MNAT1: variants seen among roughly 807,000 people sequenced by gnomAD.
MNAT1 encodes MNAT1 component of CDK activating kinase, also known as CDK-activating kinase assembly factor MAT1.
MNAT1 carries 43 observed loss-of-function variants against 42.0 expected under a neutral mutation model. The observed-to-expected ratio is 1.02, with a 90% CI of 0.80 to 1.32. The LOEUF is 1.32. MNAT1 is among the 40% of genes most tolerant of loss of function. MNAT1 has a pLI of 0.00. For synonymous variants in MNAT1, 118 were observed against 120.0 expected (o/e 0.98, Z 0.11); for missense variants, 306 against 350.4 (o/e 0.87, Z 1.01).
intron 1 of MNAT1, among the ~76,000 whole-genome samples, chr14:60,736,056 C>T (rs1419669986): frequency 6.6e-6 from 1 of 152,202 alleles, no homozygotes; most frequent in Non-Finnish European, 1.5e-5. Context: ...TATTAGCTTA[C>T]TTAACTTTTC....
intron 7 of MNAT1, among the ~76,000 whole-genome samples, chr14:60,889,832 C>T (rs2034790628): frequency 6.6e-6 from 1 of 152,032 alleles, no homozygotes; most frequent in Non-Finnish European, 1.5e-5. Context: ...TTTATGCAGC[C>T]AAAAAACACA....
intron 7 of MNAT1, among the ~76,000 whole-genome samples, chr14:60,917,210 G>C (rs929264205): frequency 2.6e-5 from 4 of 152,160 alleles, no homozygotes; most frequent in Non-Finnish European, 5.9e-5. Context: ...CGTAGCCTCA[G>C]GCAAATGGAG....
rs763964637 is a variant in MNAT1, at chr14:60,818,775, T to C, written c.615T>C (p.Ser205=). Residue 205 remains serine (S), a synonymous_variant, in exon 6 of 8, where the codon TCT becomes TCC. Transcript: ENST00000261245. ...ALLLAQHKDR[S]TQLEMQLEKP... is the part of the protein sequence containing the mutation. ...TTTTGGCTCAGCATAAAGATAGATC[T>C]ACCCAATTAGAAATGCAACTTGAGA... is the stretch of plus-strand genomic sequence containing the variant. 6.2e-7 allele frequency: 1 copy of C among 1,612,868 alleles called. No individual in the cohort carries two copies. Among genetic ancestry groups the C allele is most frequent in the African/African-American group, 1.3e-5 (1 of 75,040 alleles).
intron 6 of MNAT1, among the ~76,000 whole-genome samples, chr14:60,858,579 G>A (rs1447350319): frequency 1.3e-5 from 2 of 152,116 alleles, no homozygotes; most frequent in African/African-American, 4.8e-5. Flanking sequence ...TTTGAAAGAA[G>A]TTCTGTGCGT....
chr14:60,898,591 C>G (rs576929012), intron 7 of MNAT1, among the ~76,000 whole-genome samples: 1 of 152,110 alleles, frequency 6.6e-6, no homozygotes, highest in African/African-American at 2.4e-5. Context: ...ATATTCTTTG[C>G]CTACTTTTTA....
intron 7 of MNAT1, among the ~76,000 whole-genome samples, chr14:60,907,468 G>T (rs1418617481): frequency 7.1e-6 from 1 of 141,652 alleles, no homozygotes; most frequent in Non-Finnish European, 1.5e-5. Context: ...TGAAGAAACA[G>T]AACTTAGGTT....
intron 7 of MNAT1, among the ~76,000 whole-genome samples, chr14:60,955,173 T>G (rs968472081): frequency 6.6e-6 from 1 of 152,172 alleles, no homozygotes; most frequent in South Asian, 2.1e-4. Context: ...ATAGTTCTTT[T>G]CTTTAATATC....
intron 7 of MNAT1, among the ~76,000 whole-genome samples, chr14:60,940,466 A>G (rs535316700): frequency 3.3e-4 from 51 of 152,250 alleles, no homozygotes; most frequent in African/African-American, 1.1e-3. Flanking sequence ...TGCCCAGGCT[A>G]GAGTGCAGTG....
chr14:60,750,388 G>A (rs1232000999), intron 1 of MNAT1, among the ~76,000 whole-genome samples: 2 of 151,630 alleles, frequency 1.3e-5, no homozygotes, highest in Non-Finnish European at 2.9e-5. Flanking sequence ...CACCACGCCC[G>A]GCCAATCTTT....
chr14:60,857,294 G>A (rs1160621318), intron 6 of MNAT1, among the ~76,000 whole-genome samples: 1 of 152,206 alleles, frequency 6.6e-6, no homozygotes, highest in African/African-American at 2.4e-5. Context: ...CAACCCCCAT[G>A]GAAGGACTTT....
At chr14:60,881,465 T>C (rs2034550694) in intron 7 of MNAT1, among the ~76,000 whole-genome samples, 1 of 152,088 alleles carries the variant, frequency 6.6e-6, no homozygotes, top group Admixed American at 6.6e-5. Context: ...GGATTACAAG[T>C]GTGAACCACT....
At chr14:60,753,519 T>C (rs539977959) in intron 1 of MNAT1, 2 of 152,290 alleles carry the variant, frequency 1.3e-5, no homozygotes, top group Admixed American at 6.5e-5. Context: ...ATTTCTTCAG[T>C]GTTCGCACAA....
chr14:60,866,697 T>C (rs144820126), intron 6 of MNAT1, among the ~76,000 whole-genome samples: 1 of 152,196 alleles, frequency 6.6e-6, no homozygotes, highest in African/African-American at 2.4e-5. Context: ...GCCTTATTAG[T>C]TCTAAGCCAA....
At chr14:60,894,236 G>A (rs899906233) in intron 7 of MNAT1, among the ~76,000 whole-genome samples, 1 of 151,380 alleles carries the variant, frequency 6.6e-6, no homozygotes, top group African/African-American at 2.4e-5. Context: ...TCCTCCATTG[G>A]CACCCAATCT....
chr14:60,929,489 C>T (rs550890389), intron 7 of MNAT1, among the ~76,000 whole-genome samples: 1 of 151,948 alleles, frequency 6.6e-6, no homozygotes, highest in African/African-American at 2.4e-5. Flanking sequence ...GGTCCAAGTT[C>T]ATCATTTTTG....
chr14:60,923,926 T>C (rs1217568074), intron 7 of MNAT1, among the ~76,000 whole-genome samples: 1 of 152,142 alleles, frequency 6.6e-6, no homozygotes, highest in Non-Finnish European at 1.5e-5. Flanking sequence ...AGCGAGACTG[T>C]CTTAAAACAA....
chr14:60,818,957 T>C (rs534540977), intron 6 of MNAT1, 110 bp downstream of exon 6: 32 of 1,249,064 alleles, frequency 2.6e-5, no homozygotes, highest in Non-Finnish European at 3.4e-5. Context: ...TTAAGAACAG[T>C]GTCTGATCTA....
Position 60,969,296 on chromosome 14 carries a change from T to C in MNAT1, c.*947T>C, listed in dbSNP as rs2036738787. Reference sequence around the variant, plus strand: ...AGTCTGTTACATAGAGCATTGGATATGGGATATAGTTTCTTAAGGAAATTA... The same window carrying C: ...AGTCTGTTACATAGAGCATTGGATACGGGATATAGTTTCTTAAGGAAATTA... On this transcript the variant is annotated 3_prime_UTR_variant, in exon 8 of 8. Coordinates refer to ENST00000261245, the MANE Select transcript of MNAT1 (RefSeq NM_002431.4). The C allele has an allele frequency of 6.6e-6, 1 of 152,180 alleles. No homozygotes were observed. Among genetic ancestry groups the C allele is most frequent in the Non-Finnish European group, 1.5e-5 (1 of 68,012 alleles). 9.4% of individuals were successfully genotyped at this position (152,180 alleles called of 1,614,324 possible). A position where few individuals can be genotyped will look rare whatever the true frequency, so the allele number is the denominator to read the frequency against.
intron 6 of MNAT1, among the ~76,000 whole-genome samples, chr14:60,824,585 A>G (rs10130814): frequency 0.95 from 144,075 of 152,248 alleles, 68,445 homozygotes; most frequent in Non-Finnish European, 0.99. Flanking sequence ...TGGGCATAAC[A>G]GGATTAAATC....
Sources: allele counts gnomAD v4.1 joint callset (sites outside exome capture counted in the v4.1 genomes callset), GRCh38; gene constraint gnomAD v4.1.1; transcripts MANE v1.5; gene names NCBI Gene and HGNC (gene_info 2026-07-23, HGNC 2026-07-21).